TTC28: variants seen among roughly 807,000 people sequenced by gnomAD.
The protein encoded by TTC28 is tetratricopeptide repeat domain 28, also known as tetratricopeptide repeat protein 28.
A neutral mutation model predicts 198.0 loss-of-function variants in TTC28; 61 were observed. The ratio of observed to expected loss-of-function variants is 0.31; its 90% CI spans 0.25 to 0.38. TTC28 has a LOEUF of 0.38. Among genes scored for constraint, TTC28 ranks in the 10% least tolerant of loss-of-function variants. The pLI is 1.00. For synonymous variants in TTC28, 1,171 were observed against 1,297.8 expected (o/e 0.90, Z 2.10); for missense variants, 2,678 against 3,164.0 (o/e 0.85, Z 3.69).
intron 5 of TTC28, among the ~76,000 whole-genome samples, chr22:28,198,178 G>A (rs1421883372): frequency 6.6e-6 from 1 of 152,032 alleles, no homozygotes; most frequent in Non-Finnish European, 1.5e-5. Context: ...ACTGAAATTT[G>A]GGGCTAGATA....
chr22:28,546,235 A>C (rs1028664594), intron 2 of TTC28, among the ~76,000 whole-genome samples: 6 of 152,350 alleles, frequency 3.9e-5, no homozygotes, highest in South Asian at 2.1e-4. Context: ...TCATGCCTAT[A>C]ATCCCAGCAC....
intron 6 of TTC28, among the ~76,000 whole-genome samples, chr22:28,132,685 T>C (rs916834403): frequency 3.3e-5 from 5 of 152,208 alleles, no homozygotes; most frequent in Admixed American, 2.6e-4. Flanking sequence ...GATCATTGGC[T>C]AACTGTACTA....
chr22:28,381,709 T>A (rs894690599), intron 2 of TTC28, among the ~76,000 whole-genome samples: 2 of 152,120 alleles, frequency 1.3e-5, no homozygotes, highest in Non-Finnish European at 1.5e-5. Flanking sequence ...TTATTGGAAA[T>A]TGGACCAACT....
At chr22:28,352,312 CATATATAT>C (rs35793503) in intron 2 of TTC28, among the ~76,000 whole-genome samples, 2 of 142,754 alleles carry the variant, frequency 1.4e-5, no homozygotes, top group Non-Finnish European at 1.5e-5. Context: ...GAGATATATA[CATATATAT>C]ATATATATAT....
chr22:28,459,542 C>A (rs572948106), intron 2 of TTC28, among the ~76,000 whole-genome samples: 1 of 152,242 alleles, frequency 6.6e-6, no homozygotes, highest in Non-Finnish European at 1.5e-5. Context: ...GTGCCACCGA[C>A]CCCCCTCCTT....
At chr22:28,302,842 T>C (rs960212704) in intron 3 of TTC28, among the ~76,000 whole-genome samples, 4 of 152,096 alleles carry the variant, frequency 2.6e-5, no homozygotes, top group Admixed American at 1.3e-4. Flanking sequence ...GTTTTTAACA[T>C]AACATTTCAG....
At chr22:28,192,688 A>G (rs1454018066) in intron 5 of TTC28, among the ~76,000 whole-genome samples, 1 of 152,192 alleles carries the variant, frequency 6.6e-6, no homozygotes, top group African/African-American at 2.4e-5. Flanking sequence ...AAGAAAGGGT[A>G]TCAGTGATGG....
chr22:28,096,309 G>A lies in TTC28; in HGVS notation c.3647C>T (p.Pro1216Leu), dbSNP rs1941970245. ...CTGATCAATAGTGACTGGGGAGTAG[G>A]GGTCGGAGTCTTGTTGTCCTGTTTG... ...ERQTGQQDSD[P>L]YSPVTIDQIL... Residue 1216 changes from proline to leucine, a missense_variant, in exon 11 of 23, where the codon CCC becomes CTC. Around this residue, in one of 8 missense-constraint regions of TTC28, gnomAD observed 727 missense variants for 861.9 expected, o/e 0.84. Coordinates refer to ENST00000397906, the MANE Select transcript of TTC28 (RefSeq NM_001145418.2). 6.4e-7 allele frequency: 1 copy of A among 1,551,824 alleles called. No homozygotes were observed. Among genetic ancestry groups the A allele is most frequent in the South Asian group, 1.2e-5 (1 of 84,060 alleles).
chr22:28,187,531 C>T (rs1252186287), intron 5 of TTC28, among the ~76,000 whole-genome samples: 1 of 152,214 alleles, frequency 6.6e-6, no homozygotes, highest in Admixed American at 6.5e-5. Context: ...AGGCTCCCCT[C>T]AGAATTTGTC....
Position 28,001,434 on chromosome 22 carries a change from G to A in TTC28, c.4338C>T (p.Leu1446=). 6.4e-7 allele frequency: 1 copy of A among 1,551,628 alleles called. No individual in the cohort carries two copies. Among genetic ancestry groups the A allele is most frequent in the Non-Finnish European group, 8.7e-7 (1 of 1,146,988 alleles). Residue 1446 remains leucine (L), a synonymous_variant, in exon 15 of 23, where the codon CTC becomes CTT. Transcript: ENST00000397906. ...LLKGSSSNEY[L]YERFGLLAVP... is the part of the protein sequence containing the mutation. ...CAGCAAGGAGGCCGAAGCGCTCGTA[G>A]AGGTACTCATTGGAGGAGCTTCCCT...
At chr22:28,332,996 GTA>G (rs2045640770) in intron 2 of TTC28, among the ~76,000 whole-genome samples, 1 of 152,052 alleles carries the variant, frequency 6.6e-6, no homozygotes, top group Admixed American at 6.6e-5. Flanking sequence ...GAACAGCAAT[GTA>G]AATGTAAAAA....
chr22:28,480,688 G>A (rs931381415), intron 2 of TTC28, among the ~76,000 whole-genome samples: 1 of 152,000 alleles, frequency 6.6e-6, no homozygotes, highest in Admixed American at 6.6e-5. Context: ...TTCATTAGCA[G>A]GCTAATTCTT....
intron 2 of TTC28, among the ~76,000 whole-genome samples, chr22:28,337,452 C>T (rs1382399751): frequency 2.0e-5 from 3 of 152,052 alleles, no homozygotes; most frequent in East Asian, 1.9e-4. Context: ...TTAAAATCTC[C>T]CATTATTATT....
At chr22:28,337,384 C>G (rs1485506899) in intron 2 of TTC28, among the ~76,000 whole-genome samples, 1 of 151,736 alleles carries the variant, frequency 6.6e-6, no homozygotes, top group Non-Finnish European at 1.5e-5. Context: ...AGTTCAAGTC[C>G]TGGATATCCT....
intron 2 of TTC28, among the ~76,000 whole-genome samples, chr22:28,612,745 C>T (rs2050839808): frequency 6.6e-6 from 1 of 151,934 alleles, no homozygotes; most frequent in African/African-American, 2.4e-5. Flanking sequence ...GGGTAAATAA[C>T]GAAATTAAGG....
chr22:28,454,948 G>A (rs758648822), intron 2 of TTC28, among the ~76,000 whole-genome samples: 1 of 152,202 alleles, frequency 6.6e-6, no homozygotes, highest in Non-Finnish European at 1.5e-5. Context: ...ATGAAAACAT[G>A]AGAAAGCTTT....
At chr22:28,144,743 T>C (rs1943424656) in intron 6 of TTC28, among the ~76,000 whole-genome samples, 1 of 152,208 alleles carries the variant, frequency 6.6e-6, no homozygotes, top group Non-Finnish European at 1.5e-5. Context: ...ATGCATCAAA[T>C]GGGGAGCCCG....
intron 1 of TTC28, among the ~76,000 whole-genome samples, chr22:28,660,608 C>T (rs1343052038): frequency 6.6e-6 from 1 of 152,170 alleles, no homozygotes; most frequent in East Asian, 1.9e-4. Context: ...ACTGCAACCT[C>T]CACCTCCTGG....
chr22:28,353,510 A>C (rs1449738954), intron 2 of TTC28, among the ~76,000 whole-genome samples: 1 of 152,202 alleles, frequency 6.6e-6, no homozygotes, highest in East Asian at 1.9e-4. Context: ...TGACCAATGG[A>C]ACAGAACAGA....
Sources: allele counts gnomAD v4.1 joint callset (sites outside exome capture counted in the v4.1 genomes callset), GRCh38; gene constraint gnomAD v4.1.1; regional missense constraint gnomAD v4.1.1; transcripts MANE v1.5; gene names NCBI Gene and HGNC (gene_info 2026-07-23, HGNC 2026-07-21).